STXBP5: variants seen among roughly 807,000 people sequenced by gnomAD.
The protein encoded by STXBP5 is syntaxin binding protein 5.
A neutral mutation model predicts 152.4 loss-of-function variants in STXBP5; 50 were observed. The ratio of observed to expected loss-of-function variants is 0.33; its 90% CI spans 0.26 to 0.42. STXBP5 has a LOEUF of 0.42. Ranked by LOEUF, STXBP5 falls within the 10% of genes least tolerant of loss-of-function variation. The pLI is 1.00. For synonymous variants in STXBP5, 492 were observed against 494.7 expected, an observed-to-expected ratio of 0.99 and a Z score of 0.07; for missense variants, 1,167 against 1,388.6, an observed-to-expected ratio of 0.84 and a Z score of 2.54.
chr6:147,284,787 CAG>C (rs1253092114), intron 8 of STXBP5, among the ~76,000 whole-genome samples: 1 of 152,184 alleles, frequency 6.6e-6, no homozygotes, highest in African/African-American at 2.4e-5. Context: ...GAAGTGAAAA[CAG>C]AACCATGTAC....
At chr6:147,297,185 A>C (rs1430644504) in intron 9 of STXBP5, among the ~76,000 whole-genome samples, 4 of 152,198 alleles carry the variant, frequency 2.6e-5, no homozygotes, top group Non-Finnish European at 5.9e-5. Context: ...GTCAGAAGTC[A>C]AAGAGAATTC....
chr6:147,318,649 G>T (rs941088436), intron 16 of STXBP5, among the ~76,000 whole-genome samples: 4 of 151,648 alleles, frequency 2.6e-5, no homozygotes, highest in African/African-American at 7.3e-5. Flanking sequence ...CTTTTAAGCT[G>T]CTGGTTAGTC....
chr6:147,314,739 T>C, intron 14 of STXBP5, 103 bp downstream of exon 14: 2 of 829,884 alleles, frequency 2.4e-6, no homozygotes, highest in Non-Finnish European at 3.5e-6. Flanking sequence ...ATTTGAAATG[T>C]AGAGGTTATA....
intron 17 of STXBP5, 41 bp from the exon 18 acceptor site, chr6:147,327,084 A>T (rs200673721): frequency 3.0e-5 from 48 of 1,581,842 alleles, no homozygotes; most frequent in Admixed American, 3.0e-4. Flanking sequence ...TTTTGGAATT[A>T]TTTGTTTGTG....
rs559227746 is a variant in STXBP5 at position 147,356,473 on chromosome 6, T to C, written c.2306-2611T>C. Among the ~76,000 whole-genome samples the C allele has an allele frequency of 1.8e-4, 28 of 151,944 alleles. 1 individual carries two copies. The highest frequency in any genetic ancestry group is 1.2e-3 in the Admixed American group (19 of 15,260). ...AGAGTTAATAAATATTTGTAATTAA[T>C]ATCATTTCAAACTGTATTGAGGTGT... On this transcript the variant is annotated intron_variant, in intron 22 of 27. Coordinates refer to ENST00000321680, the MANE Select transcript of STXBP5 (RefSeq NM_001127715.4).
At chr6:147,282,921 G>A (rs1780769660) in intron 8 of STXBP5, among the ~76,000 whole-genome samples, 1 of 152,066 alleles carries the variant, frequency 6.6e-6, no homozygotes, top group Admixed American at 6.5e-5. Context: ...TTAGAAGGAG[G>A]AGAATTATCT....
intron 26 of STXBP5, among the ~76,000 whole-genome samples, chr6:147,381,260 G>T (rs1786071355): frequency 6.6e-6 from 1 of 152,112 alleles, no homozygotes; most frequent in African/African-American, 2.4e-5. Flanking sequence ...ATATGCAAAT[G>T]ACAAATGAGT....
At chr6:147,224,406 G>A (rs912471644) in intron 2 of STXBP5, among the ~76,000 whole-genome samples, 18 of 152,188 alleles carry the variant, frequency 1.2e-4, no homozygotes, top group African/African-American at 4.1e-4. Context: ...CAGCCTGGGA[G>A]ACAGACTGAG....
At chr6:147,314,421 A>C in intron 13 of STXBP5, 90 bp downstream of exon 13, 1 of 1,332,214 alleles carries the variant, frequency 7.5e-7, no homozygotes, top group Non-Finnish European at 1.1e-6. Context: ...CTGGACAGGT[A>C]GAGCTTTCCT....
At chr6:147,241,334 G>A (rs1000330903) in intron 4 of STXBP5, among the ~76,000 whole-genome samples, 15 of 152,102 alleles carry the variant, frequency 9.9e-5, no homozygotes, top group African/African-American at 3.6e-4. Context: ...CACTATTTGT[G>A]TTGAACAATT....
intron 4 of STXBP5, among the ~76,000 whole-genome samples, chr6:147,247,243 A>G (rs1389958063): frequency 6.6e-6 from 1 of 152,220 alleles, no homozygotes; most frequent in Non-Finnish European, 1.5e-5. Context: ...TAATCGCATA[A>G]CATTATCAAA....
Position 147,278,090 on chromosome 6 carries a change from T to A in STXBP5, c.724T>A (p.Ser242Thr). The A allele has an allele frequency of 1.2e-6, 2 of 1,612,314 alleles. No homozygotes were observed. Among genetic ancestry groups the A allele is most frequent in the Non-Finnish European group, 1.7e-6 (2 of 1,178,798 alleles). ...YRYTYDEAIH[S>T]VAWHHEGKQF... ...TTTCATCCTTCTATAGGCTATCCAC[T>A]CTGTTGCTTGGCATCATGAAGGAAA... The change falls in exon 8 of 28, where the codon TCT (serine) becomes ACT (threonine). Residue 242 changes from serine to threonine, a missense_variant. Physicochemically the swap from Ser to Thr is moderately conservative, Grantham distance 58. Coordinates refer to ENST00000321680, the MANE Select transcript of STXBP5 (RefSeq NM_001127715.4).
chr6:147,377,486 A>G (rs1785865202), intron 26 of STXBP5, among the ~76,000 whole-genome samples: 1 of 152,206 alleles, frequency 6.6e-6, no homozygotes, highest in South Asian at 2.1e-4. Flanking sequence ...AGGCTGCTAT[A>G]TCAAAATACC....
At chr6:147,243,060 C>T (rs1477515641) in intron 4 of STXBP5, among the ~76,000 whole-genome samples, 3 of 152,130 alleles carry the variant, frequency 2.0e-5, no homozygotes, top group African/African-American at 4.8e-5. Flanking sequence ...TAAATATTCA[C>T]ATGCAGTTTT....
intron 18 of STXBP5, among the ~76,000 whole-genome samples, chr6:147,331,781 A>C (rs1424775178): frequency 1.3e-5 from 2 of 150,462 alleles, no homozygotes; most frequent in Admixed American, 1.3e-4. Flanking sequence ...TTTGTCCTAA[A>C]GCATGCAGAG....
chr6:147,248,208 G>A (rs568481378), intron 4 of STXBP5, among the ~76,000 whole-genome samples: 2 of 150,286 alleles, frequency 1.3e-5, no homozygotes, highest in Non-Finnish European at 2.9e-5. Flanking sequence ...TTGAACCCAG[G>A]AAGCAGAGGT....
intron 21 of STXBP5, among the ~76,000 whole-genome samples, chr6:147,345,198 C>G (rs889773546): frequency 2.0e-5 from 3 of 152,008 alleles, no homozygotes; most frequent in Non-Finnish European, 4.4e-5. Context: ...TTCATTTATT[C>G]ATTGCAATTA....
intron 21 of STXBP5, among the ~76,000 whole-genome samples, chr6:147,341,000 T>G (rs1368693368): frequency 6.6e-6 from 1 of 152,140 alleles, no homozygotes; most frequent in Non-Finnish European, 1.5e-5. Flanking sequence ...AAAATTTTGG[T>G]AGTACAGTTA....
rs1363361196 is a variant in STXBP5, at chr6:147,386,695, A to G, written c.*1940A>G. 1.3e-5 allele frequency: 2 copies of G among 151,896 alleles called. No homozygotes were observed. Among genetic ancestry groups the G allele is most frequent in the South Asian group, 2.1e-4 (1 of 4,832 alleles). 9.4% of individuals were successfully genotyped at this position (151,896 alleles called of 1,614,324 possible). A position where few individuals can be genotyped will look rare whatever the true frequency, so the allele number is the denominator to read the frequency against. Reference sequence around the variant, plus strand: ...GTGTTATCTATTATCCAGTAAACCCATAGTTCCATGATATGTCACAGGAAT... The same window carrying G: ...GTGTTATCTATTATCCAGTAAACCCGTAGTTCCATGATATGTCACAGGAAT... On this transcript the variant is annotated 3_prime_UTR_variant, in exon 28 of 28. Coordinates refer to ENST00000321680, the MANE Select transcript of STXBP5 (RefSeq NM_001127715.4).
Sources: gnomAD v4.1 joint callset for allele counts (sites outside exome capture counted in the v4.1 genomes callset) on GRCh38, gnomAD v4.1.1 for gene constraint, MANE v1.5 for transcripts, NCBI Gene and HGNC (gene_info 2026-07-23, HGNC 2026-07-21) for gene names.